RIN2: variants seen among roughly 807,000 people sequenced by gnomAD.
RIN2 encodes Ras and Rab interactor 2.
A neutral mutation model predicts 78.0 loss-of-function variants in RIN2; 36 were observed. The ratio of observed to expected loss-of-function variants is 0.46; its 90% CI spans 0.35 to 0.61. The LOEUF is 0.61. Among genes scored for constraint, RIN2 ranks in the 20% least tolerant of loss-of-function variants. The pLI, the probability that RIN2 is intolerant of heterozygous loss-of-function variation, is 0.00. For missense variants in RIN2, 1,087 were observed against 1,159.7 expected, an observed-to-expected ratio of 0.94 and a Z score of 0.91; for synonymous variants, 466 against 466.8, an observed-to-expected ratio of 1.00 and a Z score of 0.02.
chr20:19,759,758 G>T (rs1029539590), intron 1 of RIN2, among the ~76,000 whole-genome samples: 1 of 152,158 alleles, frequency 6.6e-6, no homozygotes, highest in East Asian at 1.9e-4. Context: ...CCAGCTACTC[G>T]GGAGGCTGAG....
chr20:19,794,372 A>G (rs2034984139), intron 1 of RIN2, among the ~76,000 whole-genome samples: 1 of 152,166 alleles, frequency 6.6e-6, no homozygotes, highest in African/African-American at 2.4e-5. Flanking sequence ...CCTGGCCAAC[A>G]TGGCGAAACC....
intron 1 of RIN2, among the ~76,000 whole-genome samples, chr20:19,786,998 A>G (rs4814897): frequency 0.2 from 30,171 of 152,138 alleles, 4,491 homozygotes; most frequent in African/African-American, 0.42. Flanking sequence ...TGGATGGGAT[A>G]AAGCTAAAAG....
intron 2 of RIN2, among the ~76,000 whole-genome samples, chr20:19,853,085 A>G (rs1204475154): frequency 3.9e-5 from 5 of 128,810 alleles, no homozygotes; most frequent in African/African-American, 6.0e-5. Flanking sequence ...TCCTGTGTCC[A>G]TGTGTTCTCA....
intron 2 of RIN2, among the ~76,000 whole-genome samples, chr20:19,862,362 C>T (rs973876660): frequency 7.2e-5 from 11 of 152,094 alleles, no homozygotes; most frequent in East Asian, 1.9e-4. Context: ...GAGGCCGAGG[C>T]GGGTGGATTG....
intron 2 of RIN2, among the ~76,000 whole-genome samples, chr20:19,801,675 C>A (rs1172408206): frequency 1.3e-5 from 2 of 152,190 alleles, no homozygotes; most frequent in African/African-American, 2.4e-5. Context: ...TTCGGGAAGG[C>A]CCGGGATTGG....
At chr20:19,760,133 C>T (rs2033576177) in intron 1 of RIN2, among the ~76,000 whole-genome samples, 1 of 152,240 alleles carries the variant, frequency 6.6e-6, no homozygotes, top group South Asian at 2.1e-4. Flanking sequence ...AATATTGCCT[C>T]TGGAATACTC....
At chr20:19,898,065 A>G (rs1266174410) in intron 3 of RIN2, among the ~76,000 whole-genome samples, 1 of 152,208 alleles carries the variant, frequency 6.6e-6, no homozygotes, top group Non-Finnish European at 1.5e-5. Context: ...TGTTCCAAAC[A>G]TTTCCAGGAC....
At chr20:19,759,039 GC>G (rs2040289913) in intron 1 of RIN2, among the ~76,000 whole-genome samples, 4 of 152,176 alleles carry the variant, frequency 2.6e-5, no homozygotes, top group Admixed American at 2.6e-4. Context: ...AGGCCTCCCC[GC>G]CCCCTTCTGG....
intron 1 of RIN2, among the ~76,000 whole-genome samples, chr20:19,787,253 T>C (rs1423284013): frequency 6.6e-6 from 1 of 151,648 alleles, no homozygotes; most frequent in Non-Finnish European, 1.5e-5. Flanking sequence ...ACACTCCATC[T>C]CTACTAAAAA....
chr20:19,842,807 T>A (rs1331469591), intron 2 of RIN2, among the ~76,000 whole-genome samples: 1 of 151,990 alleles, frequency 6.6e-6, no homozygotes, highest in African/African-American at 2.4e-5. Flanking sequence ...AGGCTATAGC[T>A]GCCATAGGTA....
chr20:20,000,619 C>A lies in RIN2; in HGVS notation c.2371C>A (p.Leu791Ile). The change falls in exon 13 of 13, where the codon CTC becomes ATC. Residue 791 changes from leucine to isoleucine, a missense_variant. By Grantham distance (5) the Leu-to-Ile change is conservative. Transcript: ENST00000255006. ...ATTCCTCTTCCACCTGCAGAATTACCTCCGAGTTGCATTTCAGGAGGTCAA... is the reference window on the plus strand; with the variant it reads ...ATTCCTCTTCCACCTGCAGAATTACATCCGAGTTGCATTTCAGGAGGTCAA... ...IPSVDDFQNYLRVAFQEVNSG... is the reference protein window; with the variant it reads ...IPSVDDFQNYIRVAFQEVNSG... The A allele has an allele frequency of 6.3e-7, 1 of 1,593,476 alleles. No homozygotes were observed. The highest frequency in any genetic ancestry group is 8.6e-7 in the Non-Finnish European group (1 of 1,165,448).
chr20:19,891,122 C>T (rs1322459280), intron 3 of RIN2, among the ~76,000 whole-genome samples: 5 of 152,170 alleles, frequency 3.3e-5, no homozygotes, highest in African/African-American at 9.7e-5. Context: ...GAATGAGTTA[C>T]GTTATGTTGA....
chr20:19,868,467 C>T (rs1033690808), intron 2 of RIN2, among the ~76,000 whole-genome samples: 1 of 152,198 alleles, frequency 6.6e-6, no homozygotes, highest in Non-Finnish European at 1.5e-5. Flanking sequence ...GTTTGAAGTA[C>T]TCTTACAGAT....
intron 5 of RIN2, among the ~76,000 whole-genome samples, chr20:19,959,222 A>G (rs2041657768): frequency 6.6e-6 from 1 of 152,172 alleles, no homozygotes; most frequent in African/African-American, 2.4e-5. Flanking sequence ...TGCAGGCCAG[A>G]CTTTGCCAAC....
chr20:19,812,158 A>G (rs6046335), intron 2 of RIN2, among the ~76,000 whole-genome samples: 47,402 of 151,816 alleles, frequency 0.31, 7,803 homozygotes, highest in African/African-American at 0.43. Context: ...ATTGTTATAA[A>G]TCATGCTATT....
chr20:19,824,112 G>A (rs2036012532), intron 2 of RIN2, among the ~76,000 whole-genome samples: 1 of 152,294 alleles, frequency 6.6e-6, no homozygotes, highest in East Asian at 1.9e-4. Flanking sequence ...TTATTTGCAT[G>A]CTGGACCTGA....
intron 6 of RIN2, among the ~76,000 whole-genome samples, chr20:19,964,698 C>T (rs2041881831): frequency 6.6e-6 from 1 of 152,164 alleles, no homozygotes; most frequent in East Asian, 1.9e-4. Context: ...TTGTGCAACT[C>T]GAGTCTGTCC....
chr20:19,841,994 A>G (rs1312452270), intron 2 of RIN2, among the ~76,000 whole-genome samples: 1 of 152,238 alleles, frequency 6.6e-6, no homozygotes, highest in African/African-American at 2.4e-5. Flanking sequence ...TCTTATAGCT[A>G]GAGAGAAGTC....
chr20:19,844,574 AGCTGCT>A lies in RIN2; in HGVS notation c.-37+44843_-37+44848del, dbSNP rs67145587. 7.9e-4 allele frequency among the ~76,000 whole-genome samples: 110 copies of A among 139,800 alleles called. 1 individual carries two copies. The highest frequency in any genetic ancestry group is 2.6e-3 in the African/African-American group (98 of 37,552). The allele number at this position is 139,800 out of a possible 152,430, so 91.7% of individuals were successfully genotyped here. Reference sequence around the variant, plus strand: ...TGGTGGAGAACATGGCCAACTAGAGAGCTGCTGCTGCTGCTGCTGCTTCTTCCTCTT... The same window carrying A: ...TGGTGGAGAACATGGCCAACTAGAGAGCTGCTGCTGCTGCTTCTTCCTCTT... On this transcript the variant is annotated intron_variant, in intron 2 of 12. Transcript: ENST00000255006.
Sources: gnomAD v4.1 joint callset for allele counts (sites outside exome capture counted in the v4.1 genomes callset) on GRCh38, gnomAD v4.1.1 for gene constraint, MANE v1.5 for transcripts, NCBI Gene and HGNC (gene_info 2026-07-23, HGNC 2026-07-21) for gene names.